THUMPD2: variants seen among roughly 807,000 people sequenced by gnomAD.
THUMPD2 encodes THUMP domain 2 tRNA and snRNA guanosine methyltransferase.
In THUMPD2, 56 loss-of-function variants were observed where a neutral mutation model predicts 49.4. The ratio of observed to expected loss-of-function variants is 1.13; its 90% CI spans 0.91 to 1.41. THUMPD2 has a LOEUF of 1.41. Among genes scored for constraint, THUMPD2 ranks in the 40% most tolerant of loss-of-function variants. The probability of loss-of-function intolerance (pLI) is 0.00; values close to 1 mark genes in which losing one functional copy is unlikely to be tolerated. For synonymous variants in THUMPD2, 237 were observed against 205.2 expected (o/e 1.15, Z -1.32); for missense variants, 709 against 594.5 (o/e 1.19, Z -2.00).
intron 4 of THUMPD2, among the ~76,000 whole-genome samples, chr2:39,767,330 C>T (rs1035030105): frequency 4.6e-5 from 7 of 152,052 alleles, no homozygotes; most frequent in East Asian, 1.9e-4. Context: ...GGGGGCCGGG[C>T]GCGGTGGCTC....
At position 39,779,194 on chromosome 2, in the gene THUMPD2, C is replaced by A; in HGVS notation, c.46G>T (p.Ala16Ser). ...GEPGSGPEAG[A>S]RFFCTAGRGL... ...CGACCCGCAGTGCAGAAGAATCGGGCGCCAGCCTCAGGCCCGGACCCTGGC... is the reference window on the plus strand; with the variant it reads ...CGACCCGCAGTGCAGAAGAATCGGGAGCCAGCCTCAGGCCCGGACCCTGGC... Residue 16 changes from alanine (A) to serine (S), a missense_variant, in exon 1 of 10, where the codon GCC (alanine) becomes TCC (serine). Ala to Ser is a moderately conservative substitution (Grantham distance 99). Coordinates refer to ENST00000505747, the MANE Select transcript of THUMPD2 (RefSeq NM_025264.5). 6.6e-7 allele frequency: 1 copy of A among 1,517,804 alleles called. No homozygotes were observed. The highest frequency in any genetic ancestry group is 8.8e-7 in the Non-Finnish European group (1 of 1,138,458). The allele number at this position is 1,517,804 out of a possible 1,614,324, so 94.0% of individuals were successfully genotyped here. A position where few individuals can be genotyped will look rare whatever the true frequency, so the allele number is the denominator to read the frequency against.
At chr2:39,746,203 A>G (rs1359176345) in intron 8 of THUMPD2, among the ~76,000 whole-genome samples, 2 of 152,312 alleles carry the variant, frequency 1.3e-5, no homozygotes, top group South Asian at 2.1e-4. Flanking sequence ...GCTTTGCAGA[A>G]CACAGTAGTA....
At chr2:39,752,372 T>C (rs1675522428) in intron 8 of THUMPD2, among the ~76,000 whole-genome samples, 1 of 152,230 alleles carries the variant, frequency 6.6e-6, no homozygotes, top group Admixed American at 6.5e-5. Flanking sequence ...GGTGTGACTC[T>C]TAAAGTCGGT....
At chr2:39,775,446 A>G (rs1367965631) in intron 1 of THUMPD2, among the ~76,000 whole-genome samples, 1 of 152,130 alleles carries the variant, frequency 6.6e-6, no homozygotes, top group Non-Finnish European at 1.5e-5. Context: ...TAGAAGAAGG[A>G]ATTCAAAAAT....
intron 6 of THUMPD2, 147 bp from the exon 7 acceptor site, chr2:39,756,107 AG>A (rs1342817310): frequency 1.9e-5 from 13 of 668,078 alleles, no homozygotes; most frequent in African/African-American, 3.7e-5. Flanking sequence ...GGTTCAGGGG[AG>A]GGTTTTTATT....
intron 9 of THUMPD2, 108 bp downstream of exon 9, chr2:39,744,260 ACT>A (rs1674286709): frequency 3.6e-6 from 2 of 560,550 alleles, no homozygotes; most frequent in Admixed American, 4.1e-5. Context: ...AGCTACAAAA[ACT>A]CTGGGAAATT....
intron 1 of THUMPD2, among the ~76,000 whole-genome samples, chr2:39,778,355 T>C (rs944924435): frequency 7.9e-5 from 12 of 152,230 alleles, no homozygotes; most frequent in African/African-American, 2.9e-4. Context: ...ACTCCAACCT[T>C]TCACTGCAGA....
chr2:39,753,160 A>G (rs72938105), intron 8 of THUMPD2, among the ~76,000 whole-genome samples: 5 of 152,036 alleles, frequency 3.3e-5, no homozygotes, highest in Non-Finnish European at 7.4e-5. Context: ...TCCCATTTCT[A>G]TGCTCTCCTC....
intron 2 of THUMPD2, among the ~76,000 whole-genome samples, chr2:39,770,476 A>G (rs1172461221): frequency 6.6e-6 from 1 of 152,128 alleles, no homozygotes; most frequent in Non-Finnish European, 1.5e-5. Context: ...CTTCCCTATA[A>G]AAATTAAGTT....
At chr2:39,765,919 C>G in intron 5 of THUMPD2, 138 bp downstream of exon 5, 1 of 712,304 alleles carries the variant, frequency 1.4e-6, no homozygotes, top group South Asian at 1.8e-5. Flanking sequence ...ACTTTATTGT[C>G]TTAAGCAAAG....
chr2:39,768,424 C>T lies in THUMPD2; in HGVS notation c.750G>A (p.Glu250=), dbSNP rs370963887. ...WKADLRNPQL[E]IFIHLNDIYS... is the part of the protein sequence containing the mutation. ...ATAAAATAAAACAAATACTCATTAC[C>T]TCTAATTGTGGATTCCTCAAGTCTG... The change falls in exon 4 of 10, where the codon GAG becomes GAA. Residue 250 remains glutamate, a splice_region_variant and synonymous_variant. Transcript: ENST00000505747. 6.2e-7 allele frequency: 1 copy of T among 1,608,938 alleles called. No homozygotes were observed. The highest frequency in any genetic ancestry group is 1.3e-5 in the African/African-American group (1 of 74,748).
In THUMPD2 at chr2:39,761,312, A is replaced by G. The variant is rs745620348; in HGVS notation, c.891+19T>C. The G allele has an allele frequency of 3.1e-6, 5 of 1,610,406 alleles. No individual in the cohort carries two copies. The African/African-American group carries it at 6.7e-5, about 22-fold the overall frequency. On this transcript the variant is annotated intron_variant, in intron 6 of 9. Coordinates refer to ENST00000505747, the MANE Select transcript of THUMPD2 (RefSeq NM_025264.5). Reference sequence around the variant, plus strand: ...GAAAAGAACCTTGCTATTAACAGGAAGGAAAACATTTTTCTTACCTTAATG... The same window carrying G: ...GAAAAGAACCTTGCTATTAACAGGAGGGAAAACATTTTTCTTACCTTAATG...
chr2:39,771,659 C>T lies in THUMPD2; in HGVS notation c.127-19G>A. On this transcript the variant is annotated intron_variant, in intron 1 of 9. Transcript: ENST00000505747. ...ATTCAACCTAGAAATAGAAAAACAG[C>T]TTTTAATGTAGTCCAGTGTCAGTGA... The T allele has an allele frequency of 1.3e-6, 2 of 1,596,628 alleles. No homozygotes were observed. Among genetic ancestry groups the T allele is most frequent in the Non-Finnish European group, 1.7e-6 (2 of 1,174,852 alleles).
At position 39,736,558 on chromosome 2, in the gene THUMPD2, T is replaced by C. The variant is rs1045119268; in HGVS notation, c.*177A>G. 8.1e-6 allele frequency: 4 copies of C among 494,758 alleles called. No individual in the cohort carries two copies. Among genetic ancestry groups the C allele is most frequent in the Admixed American group, 3.7e-5 (1 of 27,348 alleles). 30.6% of individuals were successfully genotyped at this position (494,758 alleles called of 1,614,324 possible). On this transcript the variant is annotated 3_prime_UTR_variant, in exon 10 of 10. Coordinates refer to ENST00000505747, the MANE Select transcript of THUMPD2 (RefSeq NM_025264.5). ...TTTTTCTCAAAAACATTAAGTACTT[T>C]AGAATATAAAGCAGAAACTCTTACC...
intron 1 of THUMPD2, among the ~76,000 whole-genome samples, chr2:39,774,792 T>C (rs1271235376): frequency 6.6e-6 from 1 of 152,188 alleles, no homozygotes; most frequent in Non-Finnish European, 1.5e-5. Flanking sequence ...TTTATTTATA[T>C]ATACAATCTG....
chr2:39,759,425 C>A (rs1346501429), intron 6 of THUMPD2, among the ~76,000 whole-genome samples: 2 of 151,962 alleles, frequency 1.3e-5, no homozygotes, highest in African/African-American at 4.8e-5. Flanking sequence ...AATGCTAATT[C>A]ATTTAATCTT....
intron 3 of THUMPD2, chr2:39,768,911 T>C (rs190112186): frequency 2.3e-5 from 30 of 1,301,062 alleles, no homozygotes; most frequent in Middle Eastern, 2.1e-4. Context: ...CCTTTAGGGT[T>C]TGACTGATTT....
chr2:39,741,766 G>T (rs950163902), intron 9 of THUMPD2, among the ~76,000 whole-genome samples: 9 of 152,094 alleles, frequency 5.9e-5, no homozygotes, highest in Admixed American at 5.9e-4. Context: ...TATTTCCACT[G>T]CCTGTTATGA....
At chr2:39,763,574 A>G (rs1318799665) in intron 5 of THUMPD2, among the ~76,000 whole-genome samples, 1 of 152,104 alleles carries the variant, frequency 6.6e-6, no homozygotes, top group Non-Finnish European at 1.5e-5. Context: ...AGAAATCTGA[A>G]ATTATTCTAG....
Sources: gnomAD v4.1 joint callset for allele counts (sites outside exome capture counted in the v4.1 genomes callset) on GRCh38, gnomAD v4.1.1 for gene constraint, MANE v1.5 for transcripts, NCBI Gene and HGNC (gene_info 2026-07-23, HGNC 2026-07-21) for gene names.